The following SLC25A45 variants were observed in gnomAD, a reference collection of about 807,000 sequenced individuals.
The protein encoded by SLC25A45 is solute carrier family 25 member 45.
In SLC25A45, 22 loss-of-function variants were observed where a neutral mutation model predicts 23.0. The observed-to-expected ratio is 0.95, with a 90% CI of 0.68 to 1.36. SLC25A45 has a LOEUF of 1.36. Among genes scored for constraint, SLC25A45 ranks in the 40% most tolerant of loss-of-function variants. SLC25A45 has a pLI of 0.00. For missense variants in SLC25A45, 355 were observed against 383.5 expected (o/e 0.93, Z 0.62); for synonymous variants, 136 against 155.0 (o/e 0.88, Z 0.91).
intron 5 of SLC25A45, chr11:65,379,174 C>T: frequency 1.7e-6 from 1 of 604,156 alleles, no homozygotes; most frequent in Admixed American, 3.1e-5. Context: ...TGCCCACCAG[C>T]TGTCTCTGCC....
intron 5 of SLC25A45, 144 bp downstream of exon 5, chr11:65,379,232 T>A: frequency 1.1e-6 from 1 of 914,740 alleles, no homozygotes. Flanking sequence ...GCCTGCAGCC[T>A]GGAAGGCCAT....
Position 65,382,225 on chromosome 11 carries a change from A to G in SLC25A45, c.-18-256T>C, listed in dbSNP as rs1855609274. 4 of 527,480 alleles carry G rather than the reference A, an allele frequency of 7.6e-6. No homozygotes were observed. Among genetic ancestry groups the G allele is most frequent in the East Asian group, 3.2e-5 (1 of 31,394 alleles). The allele number at this position is 527,480 out of a possible 1,614,324, so 32.7% of individuals were successfully genotyped here. On this transcript the variant is annotated intron_variant, in intron 1 of 6. Coordinates refer to ENST00000398802, the MANE Select transcript of SLC25A45 (RefSeq NM_182556.4). The surrounding 1 kb of genome is among the most constrained non-coding windows in gnomAD (Gnocchi z 4.4). ...CCCTGATCCCCGAGCCCGGCCAATG[A>G]TCCTCGCTCTGAGGATGGCAACTGG...
chr11:65,376,844 T>G lies in SLC25A45; in HGVS notation c.572A>C (p.Gln191Pro). ...GGGATTCTGGCCTTCTGGTGTGTAC[T>G]GGCGACAGAGCCCTTCATAGGTGAT... is the stretch of plus-strand genomic sequence containing the variant. ...YFITYEGLCR[Q>P]YTPEGQNPSS... Residue 191 changes from glutamine (Q) to proline (P), a missense_variant, in exon 6 of 7, where the codon CAG becomes CCG. Gln to Pro is a moderately conservative substitution (Grantham distance 76). Coordinates refer to ENST00000398802, the MANE Select transcript of SLC25A45 (RefSeq NM_182556.4). 1 of 1,614,240 alleles carries G rather than the reference T, an allele frequency of 6.2e-7. No homozygotes were observed. The highest frequency in any genetic ancestry group is 8.5e-7 in the Non-Finnish European group (1 of 1,180,046).
intron 5 of SLC25A45, chr11:65,378,225 G>A (rs1465964168): frequency 6.6e-6 from 1 of 152,160 alleles, no homozygotes; most frequent in South Asian, 2.1e-4. Context: ...GTGGTGGAGT[G>A]TCAGATGCCA....
Position 65,376,812 on chromosome 11 carries a change from A to T in SLC25A45, c.598+6T>A, listed in dbSNP as rs530144765. 2 of 1,614,086 alleles carry T rather than the reference A, an allele frequency of 1.2e-6. No homozygotes were observed. Among genetic ancestry groups the T allele is most frequent in the South Asian group, 2.2e-5 (2 of 91,072 alleles). ...GTCCCCCATCCTCTCACGCCACTTT[A>T]CTTACTGGGATTCTGGCCTTCTGGT... is the stretch of plus-strand genomic sequence containing the variant. On this transcript the variant is annotated splice_donor_region_variant and intron_variant, in intron 6 of 6. Transcript: ENST00000398802.
intron 5 of SLC25A45, chr11:65,379,103 G>A (rs1855384545): frequency 4.3e-6 from 2 of 462,482 alleles, no homozygotes; most frequent in Non-Finnish European, 3.9e-6. Context: ...TCTGGAGGGG[G>A]GCAAGCCCCG....
Position 65,376,117 on chromosome 11 carries a change from T to C in SLC25A45, c.*290A>G. On this transcript the variant is annotated 3_prime_UTR_variant, in exon 7 of 7. Coordinates refer to ENST00000398802, the MANE Select transcript of SLC25A45 (RefSeq NM_182556.4). ...AGAGGTGAAGGCACAGGACAGGAGC[T>C]GGGATGTCACCAGCACCACTTGCCA... 1 of 477,884 alleles carries C rather than the reference T, an allele frequency of 2.1e-6. No individual in the cohort carries two copies. The highest frequency in any genetic ancestry group is 3.8e-6 in the Non-Finnish European group (1 of 265,358). 29.6% of individuals were successfully genotyped at this position (477,884 alleles called of 1,614,324 possible). A position where few individuals can be genotyped will look rare whatever the true frequency, so the allele number is the denominator to read the frequency against.
chr11:65,376,851 A>C lies in SLC25A45; in HGVS notation c.565T>G (p.Cys189Gly). 3 of 1,614,220 alleles carry C rather than the reference A, an allele frequency of 1.9e-6. No homozygotes were observed. Among genetic ancestry groups the C allele is most frequent in the Non-Finnish European group, 2.5e-6 (3 of 1,180,038 alleles). The change falls in exon 6 of 7, where the codon TGT (cysteine) becomes GGT (glycine). Residue 189 changes from cysteine (C) to glycine (G), a missense_variant. Cys to Gly is a radical substitution (Grantham distance 159). Transcript: ENST00000398802. ...TGGCCTTCTGGTGTGTACTGGCGAC[A>C]GAGCCCTTCATAGGTGATGAAGTAG... is the stretch of plus-strand genomic sequence containing the variant. Reference protein sequence around the residue: ...GIYFITYEGLCRQYTPEGQNP... With the variant: ...GIYFITYEGLGRQYTPEGQNP...
intron 4 of SLC25A45, 39 bp from the exon 5 acceptor site, chr11:65,379,600 G>T (rs1590633546): frequency 1.3e-6 from 2 of 1,565,652 alleles, no homozygotes; most frequent in East Asian, 4.5e-5. Flanking sequence ...AGGCACCGTG[G>T]GGCCTCCCCT....
intron 2 of SLC25A45, 92 bp downstream of exon 2, chr11:65,381,823 C>T: frequency 1.3e-6 from 2 of 1,536,762 alleles, no homozygotes; most frequent in South Asian, 2.2e-5. Flanking sequence ...GGAACTCAGA[C>T]TTTGGTCTCT....
chr11:65,380,703 C>CT, intron 2 of SLC25A45: 1 of 882,642 alleles, frequency 1.1e-6, no homozygotes, highest in Non-Finnish European at 1.6e-6. Flanking sequence ...ACTGCCTAGC[C>CT]CTGCCCTCCA....
At chr11:65,380,607 A>C in intron 2 of SLC25A45, 1 of 1,293,396 alleles carries the variant, frequency 7.7e-7, no homozygotes, top group Non-Finnish European at 1.0e-6. Flanking sequence ...CCCTGCTGCC[A>C]GCTGGCCACG....
intron 4 of SLC25A45, 134 bp downstream of exon 4, chr11:65,379,733 C>A: frequency 1.5e-6 from 2 of 1,320,342 alleles, no homozygotes; most frequent in East Asian, 2.5e-5. Context: ...AAGCTACCAC[C>A]CAGGCCCCCC....
Position 65,382,249 on chromosome 11 carries a change from G to A in SLC25A45, c.-19+237C>T, listed in dbSNP as rs1855610696. On this transcript the variant is annotated intron_variant, in intron 1 of 6. Transcript: ENST00000398802. This position sits in a 1 kb window ranked among gnomAD's most constrained non-coding sequence, Gnocchi z 4.4. ...GATCCTCGCTCTGAGGATGGCAACT[G>A]GGTTCCTGCCCCATGGTCGGGCCCC... 8.1e-6 allele frequency: 4 copies of A among 490,828 alleles called. No individual in the cohort carries two copies. The East Asian group carries it at 1.4e-4, about 17-fold the overall frequency. 30.4% of individuals were successfully genotyped at this position (490,828 alleles called of 1,614,324 possible). A position where few individuals can be genotyped will look rare whatever the true frequency, so the allele number is the denominator to read the frequency against.
At position 65,376,911 on chromosome 11, in the gene SLC25A45, C is replaced by T; in HGVS notation, c.505G>A (p.Ala169Thr). The part of the protein sequence containing the change: ...GPRGLFRGAW[A>T]LTLRDTPTVG... ...GTGGGGGTGTCCCTCAGCGTCAGGG[C>T]CCAGGCTCCTCGGAACAGCCCCCGG... Residue 169 changes from alanine to threonine, a missense_variant, in exon 6 of 7, where the codon GCC (alanine) becomes ACC (threonine). Physicochemically the swap from Ala to Thr is moderately conservative, Grantham distance 58 (BLOSUM62 0). Transcript: ENST00000398802. 1 of 1,613,900 alleles carries T rather than the reference C, an allele frequency of 6.2e-7. No homozygotes were observed. The highest frequency in any genetic ancestry group is 8.5e-7 in the Non-Finnish European group (1 of 1,179,866).
In SLC25A45 at chr11:65,376,574, G is replaced by T; in HGVS notation, c.700C>A (p.Leu234Met). 1 of 1,614,138 alleles carries T rather than the reference G, an allele frequency of 6.2e-7. No individual in the cohort carries two copies. ...ATCCCCTGGTACACTCTGCGTCTCA[G>T]TCCATCCATCTGCATCCGGGACTTG... ...MIKSRMQMDG[L>M]RRRVYQGMLD... is the part of the protein sequence containing the mutation. The change falls in exon 7 of 7, where the codon CTG (leucine) becomes ATG (methionine). Residue 234 changes from leucine (L) to methionine (M), a missense_variant. Leu to Met is a conservative substitution (Grantham distance 15). Coordinates refer to ENST00000398802, the MANE Select transcript of SLC25A45 (RefSeq NM_182556.4).
intron 2 of SLC25A45, chr11:65,381,560 CTTTTTTTTTTT>C (rs34891223): frequency 7.1e-5 from 6 of 84,688 alleles, no homozygotes; most frequent in Admixed American, 1.6e-4. Flanking sequence ...TGCCCTGATT[CTTTTTTTTTTT>C]TTTTTTTTTT....
chr11:65,377,406 A>C, intron 5 of SLC25A45: 1 of 1,182,446 alleles, frequency 8.5e-7, no homozygotes, highest in Non-Finnish European at 1.1e-6. Context: ...GCCTCCCTAA[A>C]GCCGGCAGTG....
intron 4 of SLC25A45, 152 bp downstream of exon 4, chr11:65,379,715 G>A (rs1855443585): frequency 4.0e-6 from 5 of 1,249,626 alleles, no homozygotes; most frequent in African/African-American, 1.5e-5. Context: ...CTGCGCCTCT[G>A]GGGTGCTAAG....
Sources: allele counts gnomAD v4.1 joint callset, GRCh38; gene constraint gnomAD v4.1.1; non-coding constraint Gnocchi (gnomAD v3.1); transcripts MANE v1.5; gene names NCBI Gene and HGNC (gene_info 2026-07-23, HGNC 2026-07-21).